Variants in MYO5C observed in about 807,000 individuals in gnomAD.
The protein encoded by MYO5C is myosin VC, also known as unconventional myosin-Vc.
Under a neutral mutation model 235.7 loss-of-function variants are expected in MYO5C, and 194 were observed. The ratio of observed to expected loss-of-function variants is 0.82; its 90% confidence interval spans 0.73 to 0.93. MYO5C has a LOEUF of 0.93. Ranked by LOEUF, MYO5C falls within the 40% of genes least tolerant of loss-of-function variation. The pLI is 0.00. For missense variants in MYO5C, 2,038 were observed against 2,127.2 expected, an observed-to-expected ratio of 0.96 and a Z score of 0.82; for synonymous variants, 707 against 754.8, an observed-to-expected ratio of 0.94 and a Z score of 1.04.
At chr15:52,226,330 C>T (rs1183714505) in intron 25 of MYO5C, among the ~76,000 whole-genome samples, 1 of 152,158 alleles carries the variant, frequency 6.6e-6, no homozygotes, top group Non-Finnish European at 1.5e-5. Flanking sequence ...AGGAGGTGGC[C>T]TGGGCAGCTC....
intron 11 of MYO5C, among the ~76,000 whole-genome samples, chr15:52,256,029 T>G (rs1444585942): frequency 6.6e-6 from 1 of 152,180 alleles, no homozygotes; most frequent in African/African-American, 2.4e-5. Context: ...CATCTGCTGT[T>G]TAGTGCTGCA....
At chr15:52,236,586 G>C (rs922145882) in intron 22 of MYO5C, among the ~76,000 whole-genome samples, 3 of 152,168 alleles carry the variant, frequency 2.0e-5, no homozygotes, top group African/African-American at 7.2e-5. Flanking sequence ...TGAGGAAGGA[G>C]AATTGCTTGA....
intron 24 of MYO5C, among the ~76,000 whole-genome samples, chr15:52,230,854 G>A (rs559940079): frequency 2.0e-5 from 3 of 148,388 alleles, no homozygotes; most frequent in Non-Finnish European, 4.5e-5. Flanking sequence ...TGGAGACAGG[G>A]TCTCACTCTG....
At chr15:52,205,353 TG>T (rs2035286488) in intron 37 of MYO5C, 1 of 592,134 alleles carries the variant, frequency 1.7e-6, no homozygotes, top group South Asian at 2.2e-5. Flanking sequence ...CCAGCGGGGC[TG>T]CAGCTCCTCT....
intron 38 of MYO5C, among the ~76,000 whole-genome samples, chr15:52,196,772 A>C (rs2035062972): frequency 6.6e-6 from 1 of 152,274 alleles, no homozygotes; most frequent in Non-Finnish European, 1.5e-5. Flanking sequence ...AAATTGATTA[A>C]AGGAAAGAAA....
intron 5 of MYO5C, among the ~76,000 whole-genome samples, chr15:52,273,508 C>T (rs577049469): frequency 6.6e-5 from 10 of 152,094 alleles, no homozygotes; most frequent in Non-Finnish European, 1.3e-4. Context: ...AATGATGTCA[C>T]GAGGGTGGAG....
chr15:52,241,961 T>C (rs1441257684), intron 20 of MYO5C, 87 bp downstream of exon 20: 1 of 1,390,140 alleles, frequency 7.2e-7, no homozygotes, highest in African/African-American at 1.4e-5. Context: ...AGGTTGCCCA[T>C]AGTGAAGTCT....
In MYO5C at chr15:52,246,059, A is replaced by C; in HGVS notation, c.1980-17T>G. 6.2e-7 allele frequency: 1 copy of C among 1,608,218 alleles called. No homozygotes were observed. The highest frequency in any genetic ancestry group is 8.5e-7 in the Non-Finnish European group (1 of 1,175,272). On this transcript the variant is annotated splice_polypyrimidine_tract_variant and intron_variant, in intron 16 of 40. Coordinates refer to ENST00000261839, the MANE Select transcript of MYO5C (RefSeq NM_018728.4). ...GAGTCAAATCTTTAAAAAGACAATG[A>C]TATTATGTGTTGAGGCATCGTAATT...
intron 39 of MYO5C, 63 bp downstream of exon 39, chr15:52,196,246 G>A: frequency 6.8e-7 from 1 of 1,470,752 alleles, no homozygotes; most frequent in Non-Finnish European, 9.0e-7. Flanking sequence ...ACCAAGAAAG[G>A]CAATGCCCAC....
chr15:52,197,197 C>T (rs1040699257), intron 38 of MYO5C, among the ~76,000 whole-genome samples: 62 of 152,230 alleles, frequency 4.1e-4, no homozygotes, highest in African/African-American at 1.5e-3. Context: ...ATGTTCACAG[C>T]AGCATTATTC....
At position 52,294,819 on chromosome 15, in the gene MYO5C, A is replaced by G. The variant is rs150623234; in HGVS notation, c.27+791T>C. Among the ~76,000 whole-genome samples the G allele has an allele frequency of 8.3e-3, 1,265 of 152,320 alleles. 20 individuals carry two copies. The highest frequency in any genetic ancestry group is 0.029 in the African/African-American group (1,224 of 41,574). ...CGAGGTAAGAGGTGGAGCCCCAGCC[A>G]GCAGAAAGGAAGCTTCTGAGGAATG... On this transcript the variant is annotated intron_variant, in intron 1 of 40. Coordinates refer to ENST00000261839, the MANE Select transcript of MYO5C (RefSeq NM_018728.4).
At chr15:52,280,611 C>T (rs1223140214) in intron 2 of MYO5C, among the ~76,000 whole-genome samples, 1 of 152,218 alleles carries the variant, frequency 6.6e-6, no homozygotes, top group African/African-American at 2.4e-5. Flanking sequence ...CAGTCAGTAT[C>T]TCTGGATTCC....
chr15:52,237,167 T>A, intron 22 of MYO5C: 1 of 225,954 alleles, frequency 4.4e-6, no homozygotes. Flanking sequence ...GGACAAGTGA[T>A]AGGAGACCAA....
intron 35 of MYO5C, among the ~76,000 whole-genome samples, chr15:52,210,977 A>G (rs1479318702): frequency 6.6e-6 from 1 of 152,224 alleles, no homozygotes; most frequent in East Asian, 1.9e-4. Flanking sequence ...GACTTCTGAT[A>G]TGTATACCAT....
At position 52,229,134 on chromosome 15, in the gene MYO5C, T is replaced by C; in HGVS notation, c.3206A>G (p.Lys1069Arg). Residue 1069 changes from lysine to arginine, a missense_variant and splice_region_variant, in exon 25 of 41, where the codon AAG becomes AGG. Lys to Arg is a conservative substitution (Grantham distance 26, BLOSUM62 2). Coordinates refer to ENST00000261839, the MANE Select transcript of MYO5C (RefSeq NM_018728.4). ...AEVARLSKQVKTISEFEKEIE... is the reference protein window; with the variant it reads ...AEVARLSKQVRTISEFEKEIE... Reference sequence around the variant, plus strand: ...GGCTGAACGTGAGAGCCGCTCTACCTTGACCTGCTTGCTCAGGCGGGCCAC... The same window carrying C: ...GGCTGAACGTGAGAGCCGCTCTACCCTGACCTGCTTGCTCAGGCGGGCCAC... 6.2e-7 allele frequency: 1 copy of C among 1,614,134 alleles called. No homozygotes were observed.
At chr15:52,235,355 AC>A (rs1265663017) in intron 23 of MYO5C, among the ~76,000 whole-genome samples, 2 of 152,112 alleles carry the variant, frequency 1.3e-5, no homozygotes, top group Non-Finnish European at 2.9e-5. Flanking sequence ...GCACACACAG[AC>A]ACACACACAC....
rs1045358671 is a variant in MYO5C at position 52,225,156 on chromosome 15, A to G, written c.3302-18T>C. 3.1e-6 allele frequency: 5 copies of G among 1,612,970 alleles called. No homozygotes were observed. In the African/African-American group the frequency reaches 5.3e-5, roughly 17 times the overall value. ...CATCTTTTCTGAAAGGGAAAGGCAG[A>G]GTTGTATATATTACATTTGTGGATG... On this transcript the variant is annotated intron_variant, in intron 26 of 40. Transcript: ENST00000261839.
intron 16 of MYO5C, among the ~76,000 whole-genome samples, 198 bp downstream of exon 16, chr15:52,246,719 T>G (rs1639788318): frequency 6.6e-6 from 1 of 152,122 alleles, no homozygotes; most frequent in African/African-American, 2.4e-5. Context: ...ATCTAGCCCT[T>G]TTGCTTAGCC....
At chr15:52,219,645 T>G in intron 31 of MYO5C, 114 bp downstream of exon 31, 1 of 751,102 alleles carries the variant, frequency 1.3e-6, no homozygotes, top group Non-Finnish European at 2.3e-6. Context: ...ATATGTCATA[T>G]ATATTAATTA....
Sources: gnomAD v4.1 joint callset for allele counts (sites outside exome capture counted in the v4.1 genomes callset) on GRCh38, gnomAD v4.1.1 for gene constraint, MANE v1.5 for transcripts, NCBI Gene and HGNC (gene_info 2026-07-23, HGNC 2026-07-21) for gene names.